The following PBX4 variants were observed in gnomAD, a reference collection of about 807,000 sequenced individuals.
PBX4 encodes PBX homeobox 4.
In PBX4, 26 loss-of-function variants were observed where a neutral mutation model predicts 35.1. The observed-to-expected ratio is 0.74, with a 90% CI of 0.54 to 1.03. The LOEUF (loss-of-function observed/expected upper bound fraction) is 1.03, where lower values mean the gene tolerates loss of function less well. PBX4 is among the 50% of genes least tolerant of loss of function. PBX4 has a pLI of 0.00. For missense variants in PBX4, 448 were observed against 504.3 expected (o/e 0.89, Z 1.07); for synonymous variants, 199 against 204.2 (o/e 0.97, Z 0.22).
At chr19:19,575,194 G>T (rs556151914) in intron 2 of PBX4, among the ~76,000 whole-genome samples, 70 of 146,398 alleles carry the variant, frequency 4.8e-4, no homozygotes, top group Admixed American at 1.0e-3. Flanking sequence ...CCGAGATTGC[G>T]CCACTGCACT....
chr19:19,569,929 T>TAAAA (rs1031836150), intron 4 of PBX4, among the ~76,000 whole-genome samples, 180 bp downstream of exon 4: 6 of 152,204 alleles, frequency 3.9e-5, no homozygotes, highest in South Asian at 4.1e-4. Context: ...AATAAATAAA[T>TAAAA]ACAAAATAAA....
At chr19:19,600,944 A>G (rs1193599461) in intron 1 of PBX4, among the ~76,000 whole-genome samples, 3 of 152,202 alleles carry the variant, frequency 2.0e-5, no homozygotes, top group Non-Finnish European at 2.9e-5. Flanking sequence ...AGCACCAATC[A>G]TCCTCTTCCA....
rs1025434173 is a variant in PBX4, at chr19:19,561,811, G to A, written c.*214C>T. On this transcript the variant is annotated 3_prime_UTR_variant, in exon 8 of 8. Transcript: ENST00000251203. Reference sequence around the variant, plus strand: ...ACCATAAAATTACTGTCAAAAAAACGAACTGAAGTGGGAGAATGAGTGGCG... The same window carrying A: ...ACCATAAAATTACTGTCAAAAAAACAAACTGAAGTGGGAGAATGAGTGGCG... The A allele has an allele frequency of 7.2e-5, 33 of 456,258 alleles. No homozygotes were observed. Among genetic ancestry groups the A allele is most frequent in the Non-Finnish European group, 1.0e-4 (27 of 257,244 alleles). The allele number at this position is 456,258 out of a possible 1,614,324, so 28.3% of individuals were successfully genotyped here.
Position 19,570,524 on chromosome 19 carries a change from C to T in PBX4, c.441+62G>A, listed in dbSNP as rs565283158. On this transcript the variant is annotated intron_variant, in intron 3 of 7. Transcript: ENST00000251203. ...CACGAAAGAAAGGTGGTTAGCGTTC[C>T]GTGTTTCGCTTTGACAAATGCGCAT... is the stretch of plus-strand genomic sequence containing the variant. The T allele has an allele frequency of 6.6e-4, 1,042 of 1,589,116 alleles. 6 individuals carry two copies. In the African/African-American group the frequency reaches 0.013, roughly 19 times the overall value.
At chr19:19,615,577 C>T (rs984586739) in intron 1 of PBX4, among the ~76,000 whole-genome samples, 1 of 152,102 alleles carries the variant, frequency 6.6e-6, no homozygotes, top group African/African-American at 2.4e-5. Flanking sequence ...CGATAAATAT[C>T]GGCCAAATTT....
chr19:19,587,263 A>G (rs530839475), intron 2 of PBX4, among the ~76,000 whole-genome samples: 9 of 152,244 alleles, frequency 5.9e-5, no homozygotes, highest in Non-Finnish European at 1.3e-4. Flanking sequence ...CCAATTTCTC[A>G]GAATGAAAAT....
Position 19,562,082 on chromosome 19 carries a change from A to C in PBX4, c.1068T>G (p.Pro356=), listed in dbSNP as rs1300128117. ...QGSWQGATPQ[P]ATASPAGDPG... ...GGTCTCCAGCAGGTGAGGCAGTTGC[A>C]GGTTGGGGGGTGGCCCCCTGCCAGC... The change falls in exon 8 of 8, where the codon CCT becomes CCG. Residue 356 remains proline, a synonymous_variant. Transcript: ENST00000251203. This position sits in a 1 kb window ranked among gnomAD's most constrained non-coding sequence, Gnocchi z 4.8. 1.2e-6 allele frequency: 2 copies of C among 1,612,784 alleles called. No homozygotes were observed. The highest frequency in any genetic ancestry group is 8.5e-7 in the Non-Finnish European group (1 of 1,179,506).
chr19:19,590,761 G>A (rs1032613491), intron 2 of PBX4, among the ~76,000 whole-genome samples: 1 of 152,078 alleles, frequency 6.6e-6, no homozygotes, highest in Non-Finnish European at 1.5e-5. Flanking sequence ...GAGCCATGGC[G>A]CCTGGACACA....
intron 1 of PBX4, 83 bp downstream of exon 1, chr19:19,618,428 C>A: frequency 7.9e-7 from 1 of 1,262,818 alleles, no homozygotes; most frequent in South Asian, 1.9e-5. Flanking sequence ...CCTCGTCAGT[C>A]TGGCCTCCAC....
intron 2 of PBX4, among the ~76,000 whole-genome samples, chr19:19,574,470 C>A (rs906329793): frequency 1.3e-5 from 2 of 152,136 alleles, no homozygotes; most frequent in African/African-American, 4.8e-5. Context: ...GAGTGCCAGG[C>A]TGAACTGAAG....
chr19:19,602,428 A>C (rs977275267), intron 1 of PBX4, among the ~76,000 whole-genome samples: 9 of 152,006 alleles, frequency 5.9e-5, no homozygotes, highest in African/African-American at 1.4e-4. Context: ...AGGTGCTAAA[A>C]GACAGGGTGT....
At chr19:19,590,336 C>T (rs2061519155) in intron 2 of PBX4, among the ~76,000 whole-genome samples, 1 of 151,988 alleles carries the variant, frequency 6.6e-6, no homozygotes, top group Admixed American at 6.6e-5. Flanking sequence ...TGACACTTCA[C>T]ATCTGGCTTC....
At chr19:19,593,017 T>C (rs2061538361) in intron 2 of PBX4, among the ~76,000 whole-genome samples, 1 of 152,228 alleles carries the variant, frequency 6.6e-6, no homozygotes, top group African/African-American at 2.4e-5. Context: ...CCCGAGGCTG[T>C]GCAGGGCTCT....
chr19:19,593,086 ACTT>A (rs2061538754), intron 2 of PBX4, among the ~76,000 whole-genome samples: 2 of 152,164 alleles, frequency 1.3e-5, no homozygotes, highest in Non-Finnish European at 2.9e-5. Context: ...TACCCACCAG[ACTT>A]AATCTTTGCC....
chr19:19,587,935 G>A (rs925716298), intron 2 of PBX4, among the ~76,000 whole-genome samples: 15 of 152,004 alleles, frequency 9.9e-5, no homozygotes, highest in South Asian at 2.1e-4. Context: ...CTGGGTGAAG[G>A]GAGAGGAGGG....
intron 2 of PBX4, among the ~76,000 whole-genome samples, chr19:19,584,299 T>C (rs1446941979): frequency 6.6e-6 from 1 of 152,138 alleles, no homozygotes; most frequent in African/African-American, 2.4e-5. Context: ...AACCTGATAA[T>C]GGGCATGTCC....
At chr19:19,612,329 T>G (rs1184053309) in intron 1 of PBX4, among the ~76,000 whole-genome samples, 1 of 152,096 alleles carries the variant, frequency 6.6e-6, no homozygotes, top group Non-Finnish European at 1.5e-5. Flanking sequence ...AGAGCTATAT[T>G]TTCCTTCTGA....
chr19:19,600,414 C>T (rs940067010), intron 1 of PBX4, among the ~76,000 whole-genome samples: 3 of 151,670 alleles, frequency 2.0e-5, no homozygotes, highest in Non-Finnish European at 2.9e-5. Context: ...GTCCCAATCC[C>T]TCAGGAGGCT....
At chr19:19,607,862 A>C (rs944334417) in intron 1 of PBX4, among the ~76,000 whole-genome samples, 1 of 152,240 alleles carries the variant, frequency 6.6e-6, no homozygotes, top group African/African-American at 2.4e-5. Flanking sequence ...ATGGAATAGA[A>C]TACTACTTGA....
Sources: gnomAD v4.1 joint callset for allele counts (sites outside exome capture counted in the v4.1 genomes callset) on GRCh38, gnomAD v4.1.1 for gene constraint, Gnocchi (gnomAD v3.1) non-coding constraint, MANE v1.5 for transcripts, NCBI Gene and HGNC (gene_info 2026-07-23, HGNC 2026-07-21) for gene names.